Variants in LINC00305 observed in about 807,000 individuals in gnomAD.
LINC00305 encodes long independently transcribed non-coding RNA 305.
intron 1 of LINC00305, among the ~76,000 whole-genome samples, chr18:64,098,905 G>C (rs1263488398): frequency 6.6e-6 from 1 of 152,188 alleles, no homozygotes; most frequent in Non-Finnish European, 1.5e-5. Flanking sequence ...ACTAAGCCAA[G>C]TGACAAGGAG....
At chr18:64,144,772 C>T (rs1163643673) in intron 1 of LINC00305, among the ~76,000 whole-genome samples, 1 of 152,218 alleles carries the variant, frequency 6.6e-6, no homozygotes, top group East Asian at 1.9e-4. Flanking sequence ...AAAGACAATG[C>T]CAGGTTGGAC....
intron 3 of LINC00305, among the ~76,000 whole-genome samples, chr18:64,089,375 CTG>C (rs1480301183): frequency 1.3e-5 from 2 of 152,202 alleles, no homozygotes; most frequent in Non-Finnish European, 2.9e-5. Context: ...CCATGCTGAA[CTG>C]TGAGTCAATT....
chr18:64,090,815 A>T (rs1011027119), intron 3 of LINC00305, among the ~76,000 whole-genome samples: 2 of 152,176 alleles, frequency 1.3e-5, no homozygotes, highest in Admixed American at 1.3e-4. Flanking sequence ...TTTAAATGCA[A>T]ATATTAGAGC....
intron 2 of LINC00305, among the ~76,000 whole-genome samples, chr18:64,098,423 C>T (rs544689011): frequency 1.3e-5 from 2 of 152,248 alleles, no homozygotes; most frequent in African/African-American, 4.8e-5. Flanking sequence ...AGTGGCTTTA[C>T]ATCTTGAAAC....
chr18:64,107,076 A>G (rs1299383010), intron 1 of LINC00305, among the ~76,000 whole-genome samples: 1 of 152,228 alleles, frequency 6.6e-6, no homozygotes, highest in Non-Finnish European at 1.5e-5. Context: ...TCATTTTCTC[A>G]TCTCTGCATG....
intron 1 of LINC00305, among the ~76,000 whole-genome samples, chr18:64,103,763 T>A (rs1388777421): frequency 6.6e-6 from 1 of 152,172 alleles, no homozygotes; most frequent in African/African-American, 2.4e-5. Context: ...CCTAATTTGT[T>A]CTTTTTGAGT....
exon 3 of LINC00305, chr18:64,097,875 A>G (rs1353829249): frequency 4.4e-6 from 2 of 458,144 alleles, no homozygotes; most frequent in South Asian, 3.1e-5. Context: ...CACTCTAACC[A>G]CTGTCTTCTG....
chr18:64,132,111 A>T (rs1449685367), intron 1 of LINC00305, among the ~76,000 whole-genome samples: 1 of 152,228 alleles, frequency 6.6e-6, no homozygotes, highest in African/African-American at 2.4e-5. Flanking sequence ...CTTAATGTAA[A>T]TAATTGTTGC....
At chr18:64,093,956 A>C (rs182226810) in intron 3 of LINC00305, among the ~76,000 whole-genome samples, 2 of 152,192 alleles carry the variant, frequency 1.3e-5, no homozygotes, top group Non-Finnish European at 2.9e-5. Context: ...AATATGAGAA[A>C]TAGAAAAGTA....
At chr18:64,112,166 G>A (rs1453199625) in intron 1 of LINC00305, among the ~76,000 whole-genome samples, 1 of 152,082 alleles carries the variant, frequency 6.6e-6, no homozygotes, top group Non-Finnish European at 1.5e-5. Context: ...TATTACTGCG[G>A]CATAATCATT....
chr18:64,143,392 G>GGT (rs766878528), intron 1 of LINC00305, among the ~76,000 whole-genome samples: 69 of 148,944 alleles, frequency 4.6e-4, no homozygotes, highest in South Asian at 1.5e-3. Flanking sequence ...AAGCATTGAT[G>GGT]GTGTGTGTGT....
chr18:64,099,386 T>C (rs1484910684), intron 1 of LINC00305, among the ~76,000 whole-genome samples: 1 of 152,088 alleles, frequency 6.6e-6, no homozygotes, highest in Non-Finnish European at 1.5e-5. Context: ...CATAGCCTCA[T>C]AGGGGAATCA....
intron 1 of LINC00305, among the ~76,000 whole-genome samples, chr18:64,123,848 G>C (rs572570033): frequency 6.6e-6 from 1 of 152,012 alleles, no homozygotes; most frequent in African/African-American, 2.4e-5. Context: ...GGGAGTTCTT[G>C]CTGTATTTGT....
chr18:64,136,997 A>T (rs2613654), intron 1 of LINC00305, among the ~76,000 whole-genome samples: 152,231 of 152,360 alleles, frequency 1, 76,052 homozygotes, highest in East Asian at 1. Flanking sequence ...CAAATCCATG[A>T]CTACGTGGAA....
chr18:64,146,499 G>A lies in LINC00305; in HGVS notation n.314+2276C>T, dbSNP rs763434254. Among the ~76,000 whole-genome samples, 7 of 152,298 alleles carry A rather than the reference G, an allele frequency of 4.6e-5. No homozygotes were observed. In the South Asian group the frequency reaches 1.4e-3, roughly 32 times the overall value. ...GGATGTTGTGGCAACCAGAAAAATA[G>A]AGATGTGAGAGATTTGATCGACCTG... is the stretch of plus-strand genomic sequence containing the variant. On this transcript the variant is annotated intron_variant and non_coding_transcript_variant, in intron 1 of 3. Coordinates refer to ENST00000666468, the Ensembl canonical transcript of LINC00305.
chr18:64,094,884 TAATA>T (rs1202304962), intron 3 of LINC00305, among the ~76,000 whole-genome samples: 2 of 148,506 alleles, frequency 1.3e-5, no homozygotes, highest in South Asian at 2.1e-4. Flanking sequence ...AATAAATAAA[TAATA>T]AAATAAAATA....
intron 3 of LINC00305, among the ~76,000 whole-genome samples, chr18:64,084,430 G>A (rs938760399): frequency 1.4e-4 from 22 of 151,922 alleles, no homozygotes; most frequent in Admixed American, 8.5e-4. Context: ...TAACAATACC[G>A]CAAATGTTAC....
intron 1 of LINC00305, among the ~76,000 whole-genome samples, chr18:64,124,902 T>A (rs11874992): frequency 0.16 from 24,627 of 152,036 alleles, 2,070 homozygotes; most frequent in African/African-American, 0.19. Context: ...ACCTAGGAAG[T>A]CTAACACCAA....
chr18:64,130,966 A>ACAGAGGTGGTTGGCCAT (rs1285491841), intron 1 of LINC00305, among the ~76,000 whole-genome samples: 2 of 152,174 alleles, frequency 1.3e-5, no homozygotes, highest in East Asian at 3.8e-4. Context: ...AGGACAGCTA[A>ACAGAGGTGGTTGGCCAT]CAGAGGTGGT....
Sources: gnomAD v4.1 joint callset for allele counts (sites outside exome capture counted in the v4.1 genomes callset) on GRCh38, gnomAD v4.1.1 for gene constraint, MANE v1.5 for transcripts, NCBI Gene and HGNC (gene_info 2026-07-23, HGNC 2026-07-21) for gene names.